Variants in RXFP2 observed in about 807,000 individuals in gnomAD.
RXFP2 encodes relaxin receptor 2.
RXFP2 carries 68 observed loss-of-function variants against 88.6 expected under a neutral mutation model. That is an observed-to-expected ratio of 0.77 (90% CI 0.63 to 0.94). The LOEUF (loss-of-function observed/expected upper bound fraction) is 0.94. Among genes scored for constraint, RXFP2 ranks in the 40% least tolerant of loss-of-function variants. The probability of loss-of-function intolerance (pLI) is 0.00; values close to 1 mark genes in which losing one functional copy is unlikely to be tolerated. For missense variants in RXFP2, 791 were observed against 893.9 expected, an observed-to-expected ratio of 0.88 and a Z score of 1.47; for synonymous variants, 329 against 306.8, an observed-to-expected ratio of 1.07 and a Z score of -0.76.
At chr13:31,740,337 C>T (rs2138374861) in intron 1 of RXFP2, among the ~76,000 whole-genome samples, 1 of 152,120 alleles carries the variant, frequency 6.6e-6, no homozygotes, top group South Asian at 2.1e-4. Context: ...AAAAATAAAA[C>T]CTAAATCTTC....
intron 7 of RXFP2, 82 bp from the exon 8 acceptor site, chr13:31,777,294 G>C (rs1188817733): frequency 1.1e-6 from 1 of 896,038 alleles, no homozygotes; most frequent in African/African-American, 1.6e-5. Flanking sequence ...ACACAAAGGA[G>C]TAGGCCAGGT....
chr13:31,782,735 A>G lies in RXFP2; in HGVS notation c.917A>G (p.Asn306Ser), dbSNP rs1404513090. The G allele has an allele frequency of 1.9e-6, 3 of 1,593,622 alleles. No homozygotes were observed. The highest frequency in any genetic ancestry group is 4.5e-5 in the East Asian group (2 of 44,784). Residue 306 changes from asparagine (N) to serine (S), a missense_variant, in exon 11 of 18, where the codon AAT becomes AGT. Asn to Ser is a conservative substitution (Grantham distance 46). Coordinates refer to ENST00000298386, the MANE Select transcript of RXFP2 (RefSeq NM_130806.5). The part of the protein sequence containing the change: ...VPEKTFSSLK[N>S]LGELDLSSNT... ...GAGAAGACATTTTCTTCATTAAAAAATTTAGGAGAACTGTAAGTAGCATCG... is the reference window on the plus strand; with the variant it reads ...GAGAAGACATTTTCTTCATTAAAAAGTTTAGGAGAACTGTAAGTAGCATCG...
chr13:31,765,805 C>T, intron 4 of RXFP2, 151 bp from the exon 5 acceptor site: 1 of 609,310 alleles, frequency 1.6e-6, no homozygotes, highest in South Asian at 2.0e-5. Context: ...TTTTCATTCT[C>T]CCATGAAAAA....
chr13:31,768,137 G>A (rs1872617472), intron 5 of RXFP2, among the ~76,000 whole-genome samples: 1 of 152,168 alleles, frequency 6.6e-6, no homozygotes, highest in African/African-American at 2.4e-5. Flanking sequence ...AGATTAGCTA[G>A]CAATTTCTCT....
intron 16 of RXFP2, 135 bp downstream of exon 16, chr13:31,793,223 G>GT (rs1489842480): frequency 1.2e-5 from 9 of 780,930 alleles, no homozygotes; most frequent in Non-Finnish European, 1.6e-5. Flanking sequence ...ACACAAAAAA[G>GT]TTTTTACTAT....
At chr13:31,740,386 C>T (rs1222917212) in intron 1 of RXFP2, among the ~76,000 whole-genome samples, 1 of 152,028 alleles carries the variant, frequency 6.6e-6, no homozygotes, top group Non-Finnish European at 1.5e-5. Flanking sequence ...TCAGCCTATA[C>T]ATTCATAAAC....
chr13:31,754,420 A>G (rs1391123010), intron 1 of RXFP2, among the ~76,000 whole-genome samples: 2 of 152,122 alleles, frequency 1.3e-5, no homozygotes, highest in Non-Finnish European at 2.9e-5. Flanking sequence ...AGTCCCAGCT[A>G]CTGGGGAGGA....
chr13:31,772,985 T>C (rs924911429), intron 5 of RXFP2, among the ~76,000 whole-genome samples: 1 of 152,264 alleles, frequency 6.6e-6, no homozygotes, highest in African/African-American at 2.4e-5. Flanking sequence ...GTGAATTGTA[T>C]ATTTAAGAGA....
In RXFP2 at chr13:31,754,455, C is replaced by T. The variant is rs915707728; in HGVS notation, c.95-3803C>T. ...ATGAGACAGGAGAATTGCTTAAACC[C>T]GGGAGGGGGAGGTTTCAGTGAGCCG... On this transcript the variant is annotated intron_variant, in intron 1 of 17. Coordinates refer to ENST00000298386, the MANE Select transcript of RXFP2 (RefSeq NM_130806.5). Among the ~76,000 whole-genome samples, 15 of 151,572 alleles carry T rather than the reference C, an allele frequency of 9.9e-5. No homozygotes were observed. In the East Asian group the frequency reaches 2.2e-3, roughly 22 times the overall value.
Position 31,775,397 on chromosome 13 carries a change from C to T in RXFP2, c.641+8C>T, listed in dbSNP as rs1872900618. 1.9e-6 allele frequency: 3 copies of T among 1,587,094 alleles called. No individual in the cohort carries two copies. In the South Asian group the frequency reaches 3.3e-5, roughly 18 times the overall value. The stretch of plus-strand genomic sequence containing the variant: ...ACATCAGCTAACTTGGCTGTAAGTA[C>T]TCTAATTCTTCTTTCTCCCATAGAG... On this transcript the variant is annotated splice_region_variant and intron_variant, in intron 7 of 17. Transcript: ENST00000298386.
At position 31,782,693 on chromosome 13, in the gene RXFP2, A is replaced by G. The variant is rs1197413399; in HGVS notation, c.875A>G (p.Gln292Arg). ...TCTTACAGGTTTCTGCCTAGAAATCAAATTGGTTTTGTTCCAGAGAAGACA... is the reference window on the plus strand; with the variant it reads ...TCTTACAGGTTTCTGCCTAGAAATCGAATTGGTTTTGTTCCAGAGAAGACA... The part of the protein sequence containing the change: ...SLTVLFLPRN[Q>R]IGFVPEKTFS... Residue 292 changes from glutamine (Q) to arginine (R), a missense_variant, in exon 11 of 18, where the codon CAA becomes CGA. Gln to Arg is a conservative substitution (Grantham distance 43). Transcript: ENST00000298386. 6.2e-7 allele frequency: 1 copy of G among 1,612,154 alleles called. No homozygotes were observed. Among genetic ancestry groups the G allele is most frequent in the East Asian group, 2.2e-5 (1 of 44,878 alleles).
chr13:31,765,508 T>G (rs1438519917), intron 4 of RXFP2, among the ~76,000 whole-genome samples: 2 of 152,120 alleles, frequency 1.3e-5, no homozygotes, highest in African/African-American at 4.8e-5. Context: ...TATCCAAGAC[T>G]GCAAAGATAT....
chr13:31,751,070 A>T (rs61954093), intron 1 of RXFP2, among the ~76,000 whole-genome samples: 49,038 of 151,928 alleles, frequency 0.32, 8,066 homozygotes, highest in East Asian at 0.43. Context: ...TGGGTGGATC[A>T]TCTGAGGTCA....
intron 1 of RXFP2, among the ~76,000 whole-genome samples, chr13:31,749,975 G>T (rs1871593038): frequency 6.6e-6 from 1 of 151,990 alleles, no homozygotes; most frequent in Non-Finnish European, 1.5e-5. Context: ...TATGCTGTGG[G>T]GTTTTATAGA....
Position 31,793,036 on chromosome 13 carries a change from T to G in RXFP2, c.1734T>G (p.Tyr578Ter). The G allele has an allele frequency of 6.2e-7, 1 of 1,613,662 alleles. No individual in the cohort carries two copies. Among genetic ancestry groups the G allele is most frequent in the Non-Finnish European group, 8.5e-7 (1 of 1,179,568 alleles). The change falls in exon 16 of 18, where the codon TAT becomes TAG. Residue 578 changes from tyrosine to a stop codon, truncating the protein, a stop_gained. Coordinates refer to ENST00000298386, the MANE Select transcript of RXFP2 (RefSeq NM_130806.5). LOFTEE classifies it high-confidence loss of function. ...GKNGVCFPLY[Y>*]DQTEDIGSKG... ...ATGGAGTATGTTTCCCACTTTATTATGACCAAACAGAAGATATTGGAAGCA... is the reference window on the plus strand; with the variant it reads ...ATGGAGTATGTTTCCCACTTTATTAGGACCAAACAGAAGATATTGGAAGCA...
intron 4 of RXFP2, 60 bp from the exon 5 acceptor site, chr13:31,765,896 A>G: frequency 1.2e-6 from 1 of 801,846 alleles, no homozygotes; most frequent in Non-Finnish European, 2.2e-6. Context: ...TGTGGCTTCT[A>G]GGGAAGAGTG....
At chr13:31,783,837 G>T (rs1201132411) in intron 11 of RXFP2, among the ~76,000 whole-genome samples, 1 of 151,734 alleles carries the variant, frequency 6.6e-6, no homozygotes, top group Non-Finnish European at 1.5e-5. Flanking sequence ...GTTTTGAGAT[G>T]GATTTTTTTG....
At chr13:31,777,515 A>T in intron 8 of RXFP2, 68 bp downstream of exon 8, 1 of 1,190,858 alleles carries the variant, frequency 8.4e-7, no homozygotes, top group Non-Finnish European at 1.2e-6. Context: ...CTAGCTTACA[A>T]AAAGAACTTT....
chr13:31,754,399 C>T (rs1032361372), intron 1 of RXFP2, among the ~76,000 whole-genome samples: 6 of 152,164 alleles, frequency 3.9e-5, no homozygotes, highest in Admixed American at 3.3e-4. Context: ...GGCGTGGTGG[C>T]GTGTGTCTGT....
Sources: gnomAD v4.1 joint callset for allele counts (sites outside exome capture counted in the v4.1 genomes callset) on GRCh38, gnomAD v4.1.1 for gene constraint, MANE v1.5 for transcripts, NCBI Gene and HGNC (gene_info 2026-07-23, HGNC 2026-07-21) for gene names.